Variants in PPFIA1 observed in about 807,000 individuals in gnomAD.
PPFIA1 encodes liprin-alpha-1.
PPFIA1 carries 25 observed loss-of-function variants against 149.9 expected under a neutral mutation model. The observed-to-expected ratio is 0.17, with a 90% CI of 0.12 to 0.23. PPFIA1 has a LOEUF of 0.23. Ranked by LOEUF, PPFIA1 falls within the 10% of genes least tolerant of loss-of-function variation. PPFIA1 has a pLI of 1.00. For synonymous variants in PPFIA1, 549 were observed against 552.8 expected (o/e 0.99, Z 0.10); for missense variants, 1,362 against 1,506.5 (o/e 0.90, Z 1.59).
chr11:70,335,530 G>T (rs2054919621), intron 10 of PPFIA1, 33 bp from the exon 11 acceptor site: 1 of 1,607,936 alleles, frequency 6.2e-7, no homozygotes, highest in Non-Finnish European at 8.5e-7. Context: ...GGATTTACGT[G>T]AGGTTTATAA....
rs142762894 is a variant in PPFIA1 at position 70,335,571 on chromosome 11, A to G, written c.1305A>G (p.Gln435=). Residue 435 remains glutamine (Q), a synonymous_variant, in exon 11 of 28, where the codon CAA becomes CAG. Transcript: ENST00000253925. The part of the protein sequence containing the change: ...EKNQELQRAR[Q]REKMNEEHNK... ...TGTTTCTCCTGCTTTAGGCAAGGCA[A>G]AGAGAAAAAATGAACGAAGAACATA... 123 of 1,613,822 alleles carry G rather than the reference A, an allele frequency of 7.6e-5. No homozygotes were observed. In the African/African-American group the frequency reaches 1.6e-3, roughly 21 times the overall value.
Position 70,326,612 on chromosome 11 carries a change from T to C in PPFIA1, c.724T>C (p.Ser242Pro), listed in dbSNP as rs778206650. ...STSGKRSSDG[S>P]LSHEEDLAKV... is the part of the protein sequence containing the mutation. ...CCCCTATCAGAGATCTTCTGATGGT[T>C]CTTTAAGCCACGAGGAAGACCTTGC... is the stretch of plus-strand genomic sequence containing the variant. Residue 242 changes from serine to proline, a missense_variant, in exon 7 of 28, where the codon TCT becomes CCT. Around this residue, in one of 7 missense-constraint regions of PPFIA1, gnomAD observed 733 missense variants for 744.1 expected, o/e 0.99. Transcript: ENST00000253925. The C allele has an allele frequency of 6.2e-7, 1 of 1,613,914 alleles. No individual in the cohort carries two copies. Among genetic ancestry groups the C allele is most frequent in the Non-Finnish European group, 8.5e-7 (1 of 1,179,918 alleles).
rs552511594 is a variant in PPFIA1, at chr11:70,378,464, C to G, written c.3550+269C>G. The G allele has an allele frequency of 1.2e-5, 14 of 1,158,088 alleles. No homozygotes were observed. In the South Asian group the frequency reaches 1.4e-4, roughly 11 times the overall value. The allele number at this position is 1,158,088 out of a possible 1,614,324, so 71.7% of individuals were successfully genotyped here. On this transcript the variant is annotated intron_variant, in intron 26 of 27. Coordinates refer to ENST00000253925, the MANE Select transcript of PPFIA1 (RefSeq NM_003626.5). ...AAAGCTCAGTATTCGTCTGTGTTCT[C>G]AGAGAGAGACTGAGGCATACTTGTA...
chr11:70,356,909 A>G lies in PPFIA1; in HGVS notation c.2582+655A>G, dbSNP rs147352255. Among the ~76,000 whole-genome samples the G allele has an allele frequency of 4.7e-4, 72 of 152,334 alleles. No homozygotes were observed. The East Asian group carries it at 0.012, about 24-fold the overall frequency. ...TTCTAAACTAAGTCTGCTTCTGACA[A>G]TAAGCTCTAATATTTGGGATGGCTT... On this transcript the variant is annotated intron_variant, in intron 19 of 27. Transcript: ENST00000253925.
At chr11:70,286,754 C>CTTTTTTT (rs957912008) in intron 2 of PPFIA1, among the ~76,000 whole-genome samples, 7 of 123,972 alleles carry the variant, frequency 5.6e-5, no homozygotes, top group Admixed American at 8.2e-5. Context: ...TTCTTTCTTT[C>CTTTTTTT]TTTTTTTTTT....
At chr11:70,329,006 C>T (rs1381130644) in intron 7 of PPFIA1, among the ~76,000 whole-genome samples, 1 of 152,180 alleles carries the variant, frequency 6.6e-6, no homozygotes, top group African/African-American at 2.4e-5. Flanking sequence ...ATCTTGTAGA[C>T]TTCAGGTAGT....
intron 19 of PPFIA1, among the ~76,000 whole-genome samples, chr11:70,361,228 G>A (rs547051030): frequency 5.3e-5 from 8 of 152,268 alleles, no homozygotes; most frequent in Non-Finnish European, 1.0e-4. Flanking sequence ...ATGTATAGTC[G>A]TCTCTCAGAG....
intron 26 of PPFIA1, among the ~76,000 whole-genome samples, chr11:70,379,758 C>T (rs182561152): frequency 6.6e-6 from 1 of 152,104 alleles, no homozygotes; most frequent in Non-Finnish European, 1.5e-5. Context: ...TAAATAAAAC[C>T]TTAGTTAAGC....
chr11:70,308,125 C>T (rs889409886), intron 2 of PPFIA1, among the ~76,000 whole-genome samples: 4 of 152,310 alleles, frequency 2.6e-5, no homozygotes, highest in Admixed American at 1.3e-4. Context: ...CTCGGCTCAC[C>T]GCAACCTTCG....
intron 2 of PPFIA1, among the ~76,000 whole-genome samples, chr11:70,303,208 G>A (rs939441786): frequency 3.9e-5 from 6 of 152,020 alleles, no homozygotes; most frequent in East Asian, 3.9e-4. Flanking sequence ...ACGCAGTGTC[G>A]GGCAGCCCTA....
chr11:70,305,266 A>G (rs1306352973), intron 2 of PPFIA1, among the ~76,000 whole-genome samples: 1 of 152,224 alleles, frequency 6.6e-6, no homozygotes, highest in African/African-American at 2.4e-5. Context: ...GAAATGTTTG[A>G]AATGCATGTG....
intron 8 of PPFIA1, among the ~76,000 whole-genome samples, 159 bp downstream of exon 8, chr11:70,330,478 G>A (rs2054587717): frequency 6.6e-6 from 1 of 152,200 alleles, no homozygotes; most frequent in Non-Finnish European, 1.5e-5. Flanking sequence ...CTTCAGTTTA[G>A]AGGTTTTGAT....
In PPFIA1 at chr11:70,375,223, G is replaced by GTTTT. The variant is rs746047562; in HGVS notation, c.3315+144_3315+147dup. The GTTTT allele has an allele frequency of 1.7e-3, 286 of 166,916 alleles. 6 individuals carry two copies. Among genetic ancestry groups the GTTTT allele is most frequent in the African/African-American group, 8.1e-3 (236 of 29,224 alleles). The allele number at this position is 166,916 out of a possible 1,614,324, so 10.3% of individuals were successfully genotyped here. On this transcript the variant is annotated intron_variant, in intron 24 of 27. Coordinates refer to ENST00000253925, the MANE Select transcript of PPFIA1 (RefSeq NM_003626.5). ...AAAAACTTCAGACAACTAGTTTTTG[G>GTTTT]TTTTTTTTTTTTTTTTTGGTCTATT...
rs574646237 is a variant in PPFIA1, at chr11:70,343,902, A to G, written c.1931+10A>G. ...TCAACAAAGAGATCAGGTGTGTGCA[A>G]CCGTGCATGACACTCACCACACGCA... is the stretch of plus-strand genomic sequence containing the variant. On this transcript the variant is annotated intron_variant, in intron 15 of 27. Transcript: ENST00000253925. 1.6e-5 allele frequency: 25 copies of G among 1,607,230 alleles called. No individual in the cohort carries two copies. The highest frequency in any genetic ancestry group is 1.0e-4 in the South Asian group (9 of 90,132).
intron 2 of PPFIA1, among the ~76,000 whole-genome samples, chr11:70,279,961 TGTA>T (rs1298334953): frequency 7.0e-6 from 1 of 143,654 alleles, no homozygotes; most frequent in African/African-American, 2.7e-5. Flanking sequence ...CAGGCTGTAG[TGTA>T]GTGGTGCAGT....
At chr11:70,379,517 C>T (rs2057621047) in intron 26 of PPFIA1, among the ~76,000 whole-genome samples, 1 of 151,240 alleles carries the variant, frequency 6.6e-6, no homozygotes, top group African/African-American at 2.4e-5. Context: ...TGGCTTATAC[C>T]AGTAATCCTA....
At chr11:70,271,689 C>A (rs2050103176) in intron 1 of PPFIA1, among the ~76,000 whole-genome samples, 1 of 152,160 alleles carries the variant, frequency 6.6e-6, no homozygotes, top group Non-Finnish European at 1.5e-5. Flanking sequence ...TGCACACATT[C>A]CTGCAAGATG....
chr11:70,314,656 G>A (rs1247503759), intron 2 of PPFIA1, among the ~76,000 whole-genome samples: 2 of 151,950 alleles, frequency 1.3e-5, no homozygotes, highest in Admixed American at 6.5e-5. Context: ...TAACCAAATA[G>A]GATCATATGG....
intron 21 of PPFIA1, 39 bp downstream of exon 21, chr11:70,362,527 G>C: frequency 6.5e-7 from 1 of 1,535,008 alleles, no homozygotes; most frequent in Non-Finnish European, 8.8e-7. Flanking sequence ...TTGGAAACAG[G>C]GAATGCCTCT....
Sources: gnomAD v4.1 joint callset for allele counts (sites outside exome capture counted in the v4.1 genomes callset) on GRCh38, gnomAD v4.1.1 for gene constraint, gnomAD v4.1.1 regional missense constraint, MANE v1.5 for transcripts, NCBI Gene and HGNC (gene_info 2026-07-23, HGNC 2026-07-21) for gene names.